The following MYT1L variants were observed in gnomAD, a reference collection of about 807,000 sequenced individuals.
MYT1L encodes myelin transcription factor 1-like protein.
Under a neutral mutation model 126.7 loss-of-function variants are expected in MYT1L, and 12 were observed. The ratio of observed to expected loss-of-function variants is 0.09; its 90% CI spans 0.06 to 0.15. The LOEUF is 0.15. Ranked by LOEUF, MYT1L falls within the 10% of genes least tolerant of loss-of-function variation. The probability of loss-of-function intolerance (pLI) is 1.00; values close to 1 mark genes in which losing one functional copy is unlikely to be tolerated. For synonymous variants in MYT1L, 541 were observed against 604.2 expected, an observed-to-expected ratio of 0.90 and a Z score of 1.53; for missense variants, 979 against 1,585.2, an observed-to-expected ratio of 0.62 and a Z score of 6.49.
At chr2:2,165,683 T>C (rs536308531) in intron 3 of MYT1L, among the ~76,000 whole-genome samples, 22 of 152,186 alleles carry the variant, frequency 1.4e-4, no homozygotes, top group Non-Finnish European at 3.2e-4. Flanking sequence ...CAATTGCTGC[T>C]GTTTTCTCAC....
chr2:1,987,649 G>A (rs1353234259), intron 5 of MYT1L, among the ~76,000 whole-genome samples: 2 of 152,226 alleles, frequency 1.3e-5, no homozygotes, highest in Non-Finnish European at 2.9e-5. Context: ...AGCTGAGGCT[G>A]CGTGGGGAGT....
intron 3 of MYT1L, among the ~76,000 whole-genome samples, chr2:2,103,883 G>GT (rs1249817089): frequency 6.6e-6 from 1 of 152,262 alleles, no homozygotes; most frequent in East Asian, 1.9e-4. Flanking sequence ...AGCAGATGCT[G>GT]TGAGTATAGA....
chr2:2,232,293 C>T (rs1237469406), intron 2 of MYT1L, among the ~76,000 whole-genome samples: 1 of 152,206 alleles, frequency 6.6e-6, no homozygotes, highest in Admixed American at 6.5e-5. Flanking sequence ...TGCCCTCCAG[C>T]CGGGAGGCTT....
intron 1 of MYT1L, among the ~76,000 whole-genome samples, chr2:2,315,314 A>ATTGTTGGC (rs1553642323): frequency 1.3e-5 from 2 of 151,900 alleles, no homozygotes; most frequent in Non-Finnish European, 2.9e-5. Flanking sequence ...ATTGAAAATC[A>ATTGTTGGC]TTGTCGGCAG....
intron 4 of MYT1L, among the ~76,000 whole-genome samples, chr2:2,019,276 G>A (rs1043800400): frequency 6.6e-6 from 1 of 152,058 alleles, no homozygotes; most frequent in African/African-American, 2.4e-5. Flanking sequence ...GTTTTATAAA[G>A]GGGAATTCCC....
chr2:1,972,708 C>CAATT (rs2059900228), intron 8 of MYT1L, among the ~76,000 whole-genome samples: 1 of 152,204 alleles, frequency 6.6e-6, no homozygotes, highest in Admixed American at 6.5e-5. Flanking sequence ...TGAAGACAGG[C>CAATT]AATTATTCAC....
At chr2:1,886,650 C>A (rs575320620) in intron 17 of MYT1L, 43 bp from the exon 18 acceptor site, 2 of 1,338,402 alleles carry the variant, frequency 1.5e-6, no homozygotes, top group South Asian at 1.6e-5. Context: ...AACTGCGAAG[C>A]GCGTAACTCC....
At position 2,081,861 on chromosome 2, in the gene MYT1L, T is replaced by A. The variant is rs1575045858; in HGVS notation, c.-303-27738A>T. On this transcript the variant is annotated intron_variant, in intron 3 of 24. Coordinates refer to ENST00000647738, the MANE Select transcript of MYT1L (RefSeq NM_001303052.2). Reference sequence around the variant, plus strand: ...TTCAAGCGATTCTCCTGCCTCAGCCTCCTGAGTAGATGGGATTACAGGTGC... The same window carrying A: ...TTCAAGCGATTCTCCTGCCTCAGCCACCTGAGTAGATGGGATTACAGGTGC... Among the ~76,000 whole-genome samples, 3 of 152,292 alleles carry A rather than the reference T, an allele frequency of 2.0e-5. No homozygotes were observed. The South Asian group carries it at 6.2e-4, about 32-fold the overall frequency.
chr2:2,185,786 GCCGGGCCTT>G lies in MYT1L; in HGVS notation c.-420-12807_-420-12799del, dbSNP rs535353087. Among the ~76,000 whole-genome samples, 136 of 133,076 alleles carry G rather than the reference GCCGGGCCTT, an allele frequency of 1.0e-3. 4 individuals carry two copies. Among genetic ancestry groups the G allele is most frequent in the African/African-American group, 3.3e-3 (107 of 32,746 alleles). The allele number at this position is 133,076 out of a possible 152,430, so 87.3% of individuals were successfully genotyped here. On this transcript the variant is annotated intron_variant, in intron 2 of 24. Coordinates refer to ENST00000647738, the MANE Select transcript of MYT1L (RefSeq NM_001303052.2). ...GCGTTCCTTACGTGAGGGGGACGCA[GCCGGGCCTT>G]CCGGGCCTTCCGGGCCTTCCCGAGT...
At chr2:2,092,047 A>T (rs2150390346) in intron 3 of MYT1L, among the ~76,000 whole-genome samples, 1 of 152,276 alleles carries the variant, frequency 6.6e-6, no homozygotes, top group African/African-American at 2.4e-5. Flanking sequence ...TCTTATGTTC[A>T]CTGAAGTAGC....
At chr2:2,169,524 A>C (rs2089685735) in intron 3 of MYT1L, among the ~76,000 whole-genome samples, 1 of 152,234 alleles carries the variant, frequency 6.6e-6, no homozygotes, top group Admixed American at 6.5e-5. Context: ...CATCGTTAAC[A>C]TCTTTTTCAG....
intron 4 of MYT1L, among the ~76,000 whole-genome samples, chr2:2,027,770 C>G (rs2065802117): frequency 6.6e-6 from 1 of 151,808 alleles, no homozygotes; most frequent in African/African-American, 2.4e-5. Flanking sequence ...TGAGTCTTAC[C>G]TGCCTGAGTG....
At chr2:2,015,135 C>T (rs377331476) in intron 4 of MYT1L, among the ~76,000 whole-genome samples, 13 of 152,108 alleles carry the variant, frequency 8.5e-5, no homozygotes, top group Middle Eastern at 3.2e-3. Context: ...AGCTCGACCA[C>T]GCGGGTTTTA....
intron 14 of MYT1L, among the ~76,000 whole-genome samples, chr2:1,899,869 C>A (rs1374459468): frequency 2.0e-5 from 3 of 152,282 alleles, no homozygotes; most frequent in South Asian, 2.1e-4. Flanking sequence ...CATAGACAGA[C>A]ACAGATTGAC....
intron 2 of MYT1L, among the ~76,000 whole-genome samples, chr2:2,217,703 C>A (rs149390842): frequency 0.17 from 12,208 of 70,082 alleles, 1,138 homozygotes; most frequent in African/African-American, 0.28. Flanking sequence ...ACAACAACAA[C>A]AACAAAAAAA....
chr2:2,242,548 AT>A (rs1478164678), intron 2 of MYT1L, among the ~76,000 whole-genome samples: 1 of 152,212 alleles, frequency 6.6e-6, no homozygotes, highest in African/African-American at 2.4e-5. Context: ...CATTGCAAAA[AT>A]AAATTAGTCT....
intron 4 of MYT1L, among the ~76,000 whole-genome samples, chr2:2,039,762 T>A (rs1003591946): frequency 6.6e-6 from 1 of 152,190 alleles, no homozygotes; most frequent in Non-Finnish European, 1.5e-5. Flanking sequence ...AGCCCGCTCA[T>A]GCTTCCTCCA....
intron 2 of MYT1L, among the ~76,000 whole-genome samples, chr2:2,200,112 G>A (rs1281513519): frequency 6.6e-6 from 1 of 152,120 alleles, no homozygotes; most frequent in East Asian, 1.9e-4. Flanking sequence ...ATAGGAAGCT[G>A]AGGCAGGTTT....
chr2:2,287,492 C>A (rs1415107935), intron 1 of MYT1L, among the ~76,000 whole-genome samples: 1 of 152,110 alleles, frequency 6.6e-6, no homozygotes, highest in Non-Finnish European at 1.5e-5. Context: ...AATCAGCTAG[C>A]ATGAGTCAGT....
Sources: allele counts gnomAD v4.1 joint callset (sites outside exome capture counted in the v4.1 genomes callset), GRCh38; gene constraint gnomAD v4.1.1; transcripts MANE v1.5; gene names NCBI Gene and HGNC (gene_info 2026-07-23, HGNC 2026-07-21).